Variants in PTPRN2 observed in about 807,000 individuals in gnomAD.
The protein encoded by PTPRN2 is protein tyrosine phosphatase receptor type N2, also known as receptor-type tyrosine-protein phosphatase N2.
Under a neutral mutation model 118.8 loss-of-function variants are expected in PTPRN2, and 74 were observed. That is an observed-to-expected ratio of 0.62 (90% confidence interval 0.52 to 0.76). The LOEUF is 0.76. Among genes scored for constraint, PTPRN2 ranks in the 30% least tolerant of loss-of-function variants. The probability of loss-of-function intolerance (pLI) is 0.00; values close to 1 mark genes in which losing one functional copy is unlikely to be tolerated. For synonymous variants in PTPRN2, 641 were observed against 608.0 expected, an observed-to-expected ratio of 1.05 and a Z score of -0.80; for missense variants, 1,481 against 1,394.4, an observed-to-expected ratio of 1.06 and a Z score of -0.99.
intron 12 of PTPRN2, among the ~76,000 whole-genome samples, chr7:157,776,010 G>A (rs1008290690): frequency 2.6e-4 from 39 of 151,796 alleles, no homozygotes; most frequent in Admixed American, 2.1e-3. Context: ...CTGTGTACTC[G>A]GAGGTGGGCA....
intron 21 of PTPRN2, among the ~76,000 whole-genome samples, chr7:157,556,297 T>A (rs950108370): frequency 9.2e-6 from 1 of 108,834 alleles, no homozygotes; most frequent in African/African-American, 3.2e-5. Context: ...CACAGAGGCA[T>A]GCACACACCC....
At chr7:158,467,311 G>A (rs1489982550) in intron 2 of PTPRN2, among the ~76,000 whole-genome samples, 1 of 151,908 alleles carries the variant, frequency 6.6e-6, no homozygotes, top group Non-Finnish European at 1.5e-5. Context: ...TTGTTTGTTT[G>A]TTTTGCTATT....
chr7:158,441,061 GGGTGGTAGTGAT>G (rs1817053863), intron 2 of PTPRN2, among the ~76,000 whole-genome samples: 2 of 51,976 alleles, frequency 3.8e-5, no homozygotes, highest in Non-Finnish European at 9.1e-5. Context: ...GTAGTGATGG[GGGTGGTAGTGAT>G]GGTGGTGCTG....
At chr7:158,190,286 G>C (rs1302161626) in intron 5 of PTPRN2, among the ~76,000 whole-genome samples, 4 of 152,204 alleles carry the variant, frequency 2.6e-5, no homozygotes, top group Non-Finnish European at 5.9e-5. Flanking sequence ...CAAGGACAGA[G>C]CTGCATGAAA....
At chr7:157,821,379 GA>G (rs1260229700) in intron 12 of PTPRN2, among the ~76,000 whole-genome samples, 4 of 152,200 alleles carry the variant, frequency 2.6e-5, no homozygotes, top group Admixed American at 2.6e-4. Flanking sequence ...TTATACAGAT[GA>G]ATGAGGTCAT....
At chr7:158,472,805 G>A (rs1021851524) in intron 2 of PTPRN2, among the ~76,000 whole-genome samples, 2 of 152,310 alleles carry the variant, frequency 1.3e-5, no homozygotes, top group African/African-American at 2.4e-5. Flanking sequence ...AGAGCTGGCC[G>A]TCCACATTTC....
intron 2 of PTPRN2, among the ~76,000 whole-genome samples, chr7:158,483,864 G>C: frequency 6.6e-6 from 1 of 152,116 alleles, no homozygotes; most frequent in East Asian, 1.9e-4. Context: ...TTGGCCGGGC[G>C]CAATGGCTCA....
intron 11 of PTPRN2, among the ~76,000 whole-genome samples, chr7:157,942,995 G>A (rs964495934): frequency 6.6e-6 from 1 of 152,296 alleles, no homozygotes; most frequent in East Asian, 1.9e-4. Flanking sequence ...TGCAAGAGCC[G>A]AGCTCTGTGA....
chr7:158,332,833 G>A (rs1433538038), intron 2 of PTPRN2, among the ~76,000 whole-genome samples: 3 of 148,772 alleles, frequency 2.0e-5, no homozygotes, highest in African/African-American at 7.6e-5. Context: ...CTCACCATAA[G>A]AGGTGACACA....
rs112092127 is a variant in PTPRN2 at position 158,020,480 on chromosome 7, C to A, written c.1723+60818G>T. Among the ~76,000 whole-genome samples the A allele has an allele frequency of 6.6e-3, 1,005 of 152,234 alleles. 5 individuals carry two copies. Among genetic ancestry groups the A allele is most frequent in the Non-Finnish European group, 9.7e-3 (663 of 68,020 alleles). On this transcript the variant is annotated intron_variant, in intron 11 of 22. Transcript: ENST00000389418. The stretch of plus-strand genomic sequence containing the variant: ...AAGAGGAGAGGGAGGGGCGAGGGCA[C>A]AGAAGTGGGGTTTGGCCTGCATCCT...
At chr7:158,269,023 C>T (rs1194851428) in intron 3 of PTPRN2, among the ~76,000 whole-genome samples, 1 of 152,210 alleles carries the variant, frequency 6.6e-6, no homozygotes, top group Non-Finnish European at 1.5e-5. Context: ...CACTGAACCT[C>T]CCCGGCTTTG....
intron 3 of PTPRN2, among the ~76,000 whole-genome samples, chr7:158,281,576 G>A (rs890807233): frequency 3.3e-5 from 5 of 152,220 alleles, no homozygotes; most frequent in Non-Finnish European, 7.3e-5. Context: ...GGAAATGCTC[G>A]GGTGTGTGGT....
At position 158,378,320 on chromosome 7, in the gene PTPRN2, C is replaced by A. The variant is rs11977072; in HGVS notation, c.164-61388G>T. ...TTTTCCTAAAGGGGCCTGCAAGCCC[C>A]GCCTGCTGCCCAGAGGCTTCCCCAG... On this transcript the variant is annotated intron_variant, in intron 2 of 22. Coordinates refer to ENST00000389418, the MANE Select transcript of PTPRN2 (RefSeq NM_002847.5). Among the ~76,000 whole-genome samples the A allele has an allele frequency of 7.2e-3, 1,099 of 152,298 alleles. 11 individuals are homozygous for A. The highest frequency in any genetic ancestry group is 0.025 in the African/African-American group (1,046 of 41,552).
chr7:157,552,577 G>T (rs1258750633), intron 21 of PTPRN2, among the ~76,000 whole-genome samples: 1 of 152,166 alleles, frequency 6.6e-6, no homozygotes, highest in Non-Finnish European at 1.5e-5. Flanking sequence ...ATTTGTCTTT[G>T]GCCATACGCT....
intron 12 of PTPRN2, among the ~76,000 whole-genome samples, chr7:157,873,925 G>C (rs1795551204): frequency 6.6e-6 from 1 of 152,142 alleles, no homozygotes; most frequent in Admixed American, 6.5e-5. Flanking sequence ...GGCCGTCCGG[G>C]GAAAGTTGTT....
chr7:158,255,952 A>C (rs1046381742), intron 3 of PTPRN2, among the ~76,000 whole-genome samples: 1 of 151,954 alleles, frequency 6.6e-6, no homozygotes, highest in Non-Finnish European at 1.5e-5. Context: ...CCTCAGAACT[A>C]CCTCTGTCCT....
intron 14 of PTPRN2, among the ~76,000 whole-genome samples, chr7:157,655,549 C>T (rs896037284): frequency 2.6e-5 from 4 of 152,198 alleles, no homozygotes; most frequent in Admixed American, 6.5e-5. Context: ...CTTAATGGTA[C>T]GGCGAAGAAT....
At chr7:158,579,515 T>G (rs1034772200) in intron 1 of PTPRN2, among the ~76,000 whole-genome samples, 1 of 152,160 alleles carries the variant, frequency 6.6e-6, no homozygotes, top group African/African-American at 2.4e-5. Context: ...TCCAGAGAGA[T>G]TATAGGTGAA....
chr7:158,342,240 A>G (rs531512581), intron 2 of PTPRN2, among the ~76,000 whole-genome samples: 1 of 129,130 alleles, frequency 7.7e-6, no homozygotes, highest in Non-Finnish European at 1.6e-5. Flanking sequence ...TCTCACCATA[A>G]GAGCTGACGC....
Sources: gnomAD v4.1 joint callset for allele counts (sites outside exome capture counted in the v4.1 genomes callset) on GRCh38, gnomAD v4.1.1 for gene constraint, MANE v1.5 for transcripts, NCBI Gene and HGNC (gene_info 2026-07-23, HGNC 2026-07-21) for gene names.